Variants in RANBP17 observed in about 807,000 individuals in gnomAD.
The protein encoded by RANBP17 is ran-binding protein 17.
In RANBP17, 158 loss-of-function variants were observed where a neutral mutation model predicts 141.2. The ratio of observed to expected loss-of-function variants is 1.12; its 90% CI spans 0.98 to 1.28. RANBP17 has a LOEUF of 1.28. Ranked by LOEUF, RANBP17 falls within the 50% of genes most tolerant of loss-of-function variation. RANBP17 has a pLI of 0.00. For missense variants in RANBP17, 1,438 were observed against 1,290.7 expected (o/e 1.11, Z -1.75); for synonymous variants, 430 against 450.0 (o/e 0.96, Z 0.56).
chr5:171,210,027 G>A (rs927417034), intron 20 of RANBP17, among the ~76,000 whole-genome samples: 16 of 152,130 alleles, frequency 1.1e-4, no homozygotes, highest in African/African-American at 3.9e-4. Flanking sequence ...TTTCATATTT[G>A]GTATCCTGTA....
At chr5:171,242,876 A>G (rs1227140518) in intron 24 of RANBP17, 56 bp downstream of exon 24, 1 of 1,492,200 alleles carries the variant, frequency 6.7e-7, no homozygotes, top group Non-Finnish European at 9.3e-7. Flanking sequence ...TGGGCTTTTA[A>G]TGTATGTGAT....
At chr5:171,112,572 A>G (rs996161381) in intron 14 of RANBP17, among the ~76,000 whole-genome samples, 7 of 151,978 alleles carry the variant, frequency 4.6e-5, no homozygotes, top group African/African-American at 1.4e-4. Context: ...CTGTCACCAG[A>G]CTCATGAAAA....
At chr5:171,091,129 A>G (rs182982134) in intron 14 of RANBP17, among the ~76,000 whole-genome samples, 4 of 152,186 alleles carry the variant, frequency 2.6e-5, no homozygotes, top group Non-Finnish European at 4.4e-5. Context: ...CAGACATTCA[A>G]TGCCAGCCCA....
chr5:170,960,574 G>T (rs138998786), intron 13 of RANBP17, among the ~76,000 whole-genome samples: 3 of 152,006 alleles, frequency 2.0e-5, no homozygotes, highest in African/African-American at 7.3e-5. Flanking sequence ...CTATCTTTTA[G>T]TTACCTCAGT....
intron 12 of RANBP17, among the ~76,000 whole-genome samples, chr5:170,938,724 G>GT (rs1349974253): frequency 6.6e-6 from 1 of 152,178 alleles, no homozygotes; most frequent in Non-Finnish European, 1.5e-5. Context: ...TGAGGAAAGA[G>GT]TTGGCTAACT....
chr5:171,117,668 AT>A (rs1471942734), intron 14 of RANBP17, among the ~76,000 whole-genome samples: 1 of 151,744 alleles, frequency 6.6e-6, no homozygotes, highest in East Asian at 1.9e-4. Flanking sequence ...TAATTTTTGT[AT>A]TTTTAGTAGA....
intron 22 of RANBP17, among the ~76,000 whole-genome samples, chr5:171,230,471 C>A (rs1426595328): frequency 6.6e-6 from 1 of 152,072 alleles, no homozygotes; most frequent in Non-Finnish European, 1.5e-5. Flanking sequence ...TAAAGAATTA[C>A]AACTTTAGGC....
intron 14 of RANBP17, among the ~76,000 whole-genome samples, chr5:171,109,684 G>A (rs879717703): frequency 1.3e-5 from 2 of 152,094 alleles, no homozygotes; most frequent in South Asian, 2.1e-4. Context: ...ATACTATATT[G>A]TTTAGGGAAT....
chr5:171,107,623 C>G (rs141122008), intron 14 of RANBP17, among the ~76,000 whole-genome samples: 1 of 152,084 alleles, frequency 6.6e-6, no homozygotes, highest in Non-Finnish European at 1.5e-5. Context: ...ATGAGAACAC[C>G]CATCATGACT....
At chr5:171,203,383 G>A (rs1762407661) in intron 19 of RANBP17, among the ~76,000 whole-genome samples, 1 of 152,060 alleles carries the variant, frequency 6.6e-6, no homozygotes, top group Non-Finnish European at 1.5e-5. Flanking sequence ...ACTCTCTTTA[G>A]TGTTGTTTGT....
intron 14 of RANBP17, among the ~76,000 whole-genome samples, chr5:171,139,465 A>T (rs573662987): frequency 3.3e-4 from 50 of 152,284 alleles, no homozygotes; most frequent in African/African-American, 1.2e-3. Flanking sequence ...GGCCCATGGT[A>T]GGCATTCAGT....
At chr5:171,240,144 T>C (rs1764776393) in intron 22 of RANBP17, among the ~76,000 whole-genome samples, 1 of 152,192 alleles carries the variant, frequency 6.6e-6, no homozygotes, top group African/African-American at 2.4e-5. Context: ...AAGAAACATA[T>C]ATTACTTTAT....
At chr5:171,152,702 A>G (rs1234978479) in intron 14 of RANBP17, among the ~76,000 whole-genome samples, 1 of 152,134 alleles carries the variant, frequency 6.6e-6, no homozygotes, top group Non-Finnish European at 1.5e-5. Context: ...CCTTCTGCCC[A>G]CACTCATACA....
At chr5:171,049,172 TCTGA>T (rs775256297) in intron 14 of RANBP17, among the ~76,000 whole-genome samples, 197 of 152,352 alleles carry the variant, frequency 1.3e-3, no homozygotes, top group Non-Finnish European at 2.2e-3. Flanking sequence ...TAATAGTTAC[TCTGA>T]CTGGTGTGAG....
At chr5:171,175,959 G>A (rs982061596) in intron 16 of RANBP17, among the ~76,000 whole-genome samples, 1 of 152,104 alleles carries the variant, frequency 6.6e-6, no homozygotes, top group Non-Finnish European at 1.5e-5. Flanking sequence ...AGAATTTCAA[G>A]ACCTCAACAG....
rs1304602055 is a variant in RANBP17 at position 170,957,865 on chromosome 5, A to G, written c.1574+4163A>G. On this transcript the variant is annotated intron_variant, in intron 13 of 27. Coordinates refer to ENST00000523189, the MANE Select transcript of RANBP17 (RefSeq NM_022897.5). ...ATTTGAAAAAGCCTCTCTAAACAGA[A>G]ATACACATGAAACAAGATTGCAATC... Among the ~76,000 whole-genome samples the G allele has an allele frequency of 2.6e-5, 4 of 152,190 alleles. No homozygotes were observed. The East Asian group carries it at 7.7e-4, about 29-fold the overall frequency.
At chr5:170,897,802 T>C (rs1374603714) in intron 5 of RANBP17, among the ~76,000 whole-genome samples, 1 of 152,230 alleles carries the variant, frequency 6.6e-6, no homozygotes, top group Non-Finnish European at 1.5e-5. Flanking sequence ...CTTTATCCAG[T>C]CTATCATTGA....
At chr5:170,909,578 CTTTTTTTT>C in intron 5 of RANBP17, 75 bp from the exon 6 acceptor site, 1 of 240,064 alleles carries the variant, frequency 4.2e-6, no homozygotes, top group Non-Finnish European at 7.3e-6. Context: ...AGTTTATTTC[CTTTTTTTT>C]TTTTTTTTTT....
chr5:170,864,829 A>G lies in RANBP17; in HGVS notation c.18+2778A>G, dbSNP rs1344470417. On this transcript the variant is annotated intron_variant, in intron 1 of 27. Coordinates refer to ENST00000523189, the MANE Select transcript of RANBP17 (RefSeq NM_022897.5). ...AGAACTATTATTTTTAAATGCAATTATAACATGAGAAAAGGTATGTGGGAA... is the reference window on the plus strand; with the variant it reads ...AGAACTATTATTTTTAAATGCAATTGTAACATGAGAAAAGGTATGTGGGAA... 2.0e-5 allele frequency among the ~76,000 whole-genome samples: 3 copies of G among 152,232 alleles called. No homozygotes were observed. In the East Asian group the frequency reaches 5.8e-4, roughly 29 times the overall value.
Sources: gnomAD v4.1 joint callset for allele counts (sites outside exome capture counted in the v4.1 genomes callset) on GRCh38, gnomAD v4.1.1 for gene constraint, MANE v1.5 for transcripts, NCBI Gene and HGNC (gene_info 2026-07-23, HGNC 2026-07-21) for gene names.